Variants in GAB1 observed in about 807,000 individuals in gnomAD.
GAB1 encodes the protein GRB2 associated binding protein 1, also known as GRB2-associated-binding protein 1.
A neutral mutation model predicts 66.5 loss-of-function variants in GAB1; 19 were observed. The ratio of observed to expected loss-of-function variants is 0.29; its 90% CI spans 0.20 to 0.42. GAB1 has a LOEUF of 0.42. Ranked by LOEUF, GAB1 falls within the 10% of genes least tolerant of loss-of-function variation. GAB1 has a pLI of 1.00. For missense variants in GAB1, 732 were observed against 858.5 expected (o/e 0.85, Z 1.84); for synonymous variants, 294 against 301.4 (o/e 0.98, Z 0.25).
chr4:143,434,772 A>AC (rs1184626439), intron 3 of GAB1, among the ~76,000 whole-genome samples: 1 of 151,864 alleles, frequency 6.6e-6, no homozygotes, highest in Non-Finnish European at 1.5e-5. Context: ...CTGCCCCCAC[A>AC]CCCCTTTCCT....
intron 1 of GAB1, among the ~76,000 whole-genome samples, chr4:143,380,134 A>C (rs1029826461): frequency 6.6e-6 from 1 of 151,406 alleles, no homozygotes; most frequent in African/African-American, 2.4e-5. Context: ...TTATTCATAA[A>C]ATGAGAATAT....
chr4:143,389,969 G>A (rs1407612101), intron 1 of GAB1, among the ~76,000 whole-genome samples: 1 of 152,166 alleles, frequency 6.6e-6, no homozygotes, highest in African/African-American at 2.4e-5. Context: ...AGGAGTGAAG[G>A]TGTGTGTCCT....
chr4:143,419,190 T>C (rs919592351), intron 2 of GAB1, among the ~76,000 whole-genome samples: 2 of 152,082 alleles, frequency 1.3e-5, no homozygotes, highest in African/African-American at 4.8e-5. Context: ...TATATACATA[T>C]GTATATATAA....
intron 1 of GAB1, among the ~76,000 whole-genome samples, chr4:143,341,790 G>T (rs1371031176): frequency 2.6e-5 from 4 of 152,186 alleles, no homozygotes; most frequent in Non-Finnish European, 5.9e-5. Flanking sequence ...GCGTGGGCAG[G>T]CCAAGTGTCA....
At chr4:143,398,152 G>C (rs560057300) in intron 1 of GAB1, among the ~76,000 whole-genome samples, 1 of 152,206 alleles carries the variant, frequency 6.6e-6, no homozygotes, top group Non-Finnish European at 1.5e-5. Context: ...TGGTGAGGGT[G>C]TTATAAGCTG....
intron 2 of GAB1, among the ~76,000 whole-genome samples, chr4:143,428,446 G>A (rs1452739166): frequency 2.0e-5 from 3 of 152,122 alleles, no homozygotes; most frequent in Non-Finnish European, 4.4e-5. Context: ...TGGGTGCATG[G>A]GACCTGGCTT....
At chr4:143,339,750 G>A (rs2149639372) in intron 1 of GAB1, among the ~76,000 whole-genome samples, 1 of 152,294 alleles carries the variant, frequency 6.6e-6, no homozygotes. Flanking sequence ...TGAGTGGTAT[G>A]GGTATTTTTT....
At chr4:143,439,226 A>C (rs1578717675) in intron 4 of GAB1, among the ~76,000 whole-genome samples, 1 of 152,132 alleles carries the variant, frequency 6.6e-6, no homozygotes, top group Non-Finnish European at 1.5e-5. Flanking sequence ...AGAAGAAAAA[A>C]ATGAGTCTGG....
At chr4:143,364,293 G>A (rs542206546) in intron 1 of GAB1, among the ~76,000 whole-genome samples, 1 of 152,018 alleles carries the variant, frequency 6.6e-6, no homozygotes, top group East Asian at 1.9e-4. Context: ...TACGTGCATG[G>A]GCTTGTGAAA....
chr4:143,405,161 G>A (rs542989800), intron 1 of GAB1, among the ~76,000 whole-genome samples: 12 of 152,032 alleles, frequency 7.9e-5, no homozygotes, highest in East Asian at 3.9e-4. Context: ...CTGTGATGAC[G>A]TTACATTCTA....
intron 1 of GAB1, among the ~76,000 whole-genome samples, chr4:143,400,843 C>T (rs1731732282): frequency 6.6e-6 from 1 of 151,948 alleles, no homozygotes; most frequent in South Asian, 2.1e-4. Context: ...GTGGCATGCA[C>T]CTGTAATCCC....
rs185519299 is a variant in GAB1 at position 143,395,391 on chromosome 4, A to G, written c.73-20086A>G. The stretch of plus-strand genomic sequence containing the variant: ...TGTAATCTTTATTTTTTAATGAACT[A>G]TCCTTTCCAGAGACATACAAATTGC... On this transcript the variant is annotated intron_variant, in intron 1 of 9. Transcript: ENST00000262994. 942 of 156,178 alleles carry G rather than the reference A, an allele frequency of 6.0e-3. 6 individuals carry two copies. The highest frequency in any genetic ancestry group is 0.011 in the Non-Finnish European group (753 of 70,370). The allele number at this position is 156,178 out of a possible 1,614,324, so 9.7% of individuals were successfully genotyped here.
At chr4:143,371,955 A>G (rs1730140681) in intron 1 of GAB1, among the ~76,000 whole-genome samples, 1 of 152,202 alleles carries the variant, frequency 6.6e-6, no homozygotes, top group African/African-American at 2.4e-5. Flanking sequence ...CAGTTCAAGC[A>G]TCCAAAAATA....
intron 1 of GAB1, among the ~76,000 whole-genome samples, chr4:143,361,861 G>A (rs1462913358): frequency 6.6e-6 from 1 of 152,032 alleles, no homozygotes; most frequent in African/African-American, 2.4e-5. Flanking sequence ...TGATTGCAGG[G>A]GTGGTTGAAA....
chr4:143,338,708 T>TA (rs1223979070), intron 1 of GAB1, among the ~76,000 whole-genome samples: 16 of 129,876 alleles, frequency 1.2e-4, no homozygotes, highest in African/African-American at 4.6e-4. Context: ...AAGAGAAAGG[T>TA]AGGGGTGTGT....
rs1258093306 is a variant in GAB1 at position 143,409,278 on chromosome 4, T to TC, written c.73-6198dup. On this transcript the variant is annotated intron_variant, in intron 1 of 9. Transcript: ENST00000262994. Reference sequence around the variant, plus strand: ...ACCATGTGGGTGCTGTCTGAGGCCATCTGTGGAGGTGAGAGATTGGAGAGA... The same window carrying TC: ...ACCATGTGGGTGCTGTCTGAGGCCATCCTGTGGAGGTGAGAGATTGGAGAGA... Among the ~76,000 whole-genome samples the TC allele has an allele frequency of 3.3e-5, 5 of 152,248 alleles. No homozygotes were observed. In the East Asian group the frequency reaches 9.7e-4, roughly 29 times the overall value.
intron 2 of GAB1, among the ~76,000 whole-genome samples, chr4:143,416,396 A>G (rs1732689914): frequency 6.6e-6 from 1 of 152,126 alleles, no homozygotes; most frequent in African/African-American, 2.4e-5. Flanking sequence ...CGACAGAGCG[A>G]GACTCCGTCT....
chr4:143,354,900 G>C (rs1729381616), intron 1 of GAB1, among the ~76,000 whole-genome samples: 1 of 152,170 alleles, frequency 6.6e-6, no homozygotes, highest in Non-Finnish European at 1.5e-5. Flanking sequence ...TGGAGAATTA[G>C]TTATATGTTG....
intron 1 of GAB1, among the ~76,000 whole-genome samples, chr4:143,367,719 GTTT>G (rs71588248): frequency 2.1e-5 from 2 of 94,662 alleles, no homozygotes; most frequent in Admixed American, 1.3e-4. Flanking sequence ...TCAGATGAGG[GTTT>G]TTTTTTTTTT....
Sources: gnomAD v4.1 joint callset for allele counts (sites outside exome capture counted in the v4.1 genomes callset) on GRCh38, gnomAD v4.1.1 for gene constraint, MANE v1.5 for transcripts, NCBI Gene and HGNC (gene_info 2026-07-23, HGNC 2026-07-21) for gene names.